Variants in HTR2A observed in about 807,000 individuals in gnomAD.
HTR2A encodes 5-hydroxytryptamine receptor 2A.
A neutral mutation model predicts 31.0 loss-of-function variants in HTR2A; 14 were observed. That is an observed-to-expected ratio of 0.45 (90% CI 0.30 to 0.71). HTR2A has a LOEUF of 0.71. Ranked by LOEUF, HTR2A falls within the 30% of genes least tolerant of loss-of-function variation. HTR2A has a pLI of 0.09. For synonymous variants in HTR2A, 209 were observed against 225.2 expected, an observed-to-expected ratio of 0.93 and a Z score of 0.64; for missense variants, 442 against 573.3, an observed-to-expected ratio of 0.77 and a Z score of 2.34.
intron 2 of HTR2A, among the ~76,000 whole-genome samples, chr13:46,893,339 G>T (rs1362655938): frequency 6.6e-6 from 1 of 152,226 alleles, no homozygotes; most frequent in East Asian, 1.9e-4. Context: ...CCGTCCAGAG[G>T]TTCTGATGCA....
chr13:46,895,595 C>T lies in HTR2A; in HGVS notation c.312G>A (p.Lys104=). 6.2e-7 allele frequency: 1 copy of T among 1,614,178 alleles called. No homozygotes were observed. Among genetic ancestry groups the T allele is most frequent in the Non-Finnish European group, 8.5e-7 (1 of 1,180,022 alleles). Residue 104 remains lysine, a synonymous_variant, in exon 2 of 4, where the codon AAG becomes AAA. Transcript: ENST00000542664. The surrounding 1 kb of genome is among the most constrained non-coding windows in gnomAD (Gnocchi z 4.4). ...LVIMAVSLEK[K]LQNATNYFLM... is the part of the protein sequence containing the mutation. ...GGAAATAGTTGGTGGCATTCTGCAGCTTTTTCTCTAGGGACACTGCCATGA... is the reference window on the plus strand; with the variant it reads ...GGAAATAGTTGGTGGCATTCTGCAGTTTTTTCTCTAGGGACACTGCCATGA...
At chr13:46,885,728 T>C (rs1167808736) in intron 3 of HTR2A, among the ~76,000 whole-genome samples, 1 of 152,232 alleles carries the variant, frequency 6.6e-6, no homozygotes, top group African/African-American at 2.4e-5. Flanking sequence ...AGTGGTGCCA[T>C]ATTCAGGGCA....
chr13:46,885,988 C>A (rs1882144197), intron 3 of HTR2A, among the ~76,000 whole-genome samples: 1 of 152,168 alleles, frequency 6.6e-6, no homozygotes, highest in South Asian at 2.1e-4. Context: ...AACCCTTGGT[C>A]TGCCAATCAT....
chr13:46,890,235 C>G (rs189512569), intron 3 of HTR2A, among the ~76,000 whole-genome samples: 1 of 152,296 alleles, frequency 6.6e-6, no homozygotes, highest in African/African-American at 2.4e-5. Flanking sequence ...CCCAGCTACT[C>G]AGGAGGCTGA....
intron 3 of HTR2A, chr13:46,854,065 C>T (rs655854): frequency 0.27 from 41,718 of 152,050 alleles, 6,668 homozygotes; most frequent in East Asian, 0.53. Flanking sequence ...TGGGGGGTCC[C>T]AGTCATCGGT....
At chr13:46,853,029 T>C (rs1950700267) in intron 3 of HTR2A, among the ~76,000 whole-genome samples, 1 of 152,094 alleles carries the variant, frequency 6.6e-6, no homozygotes, top group Non-Finnish European at 1.5e-5. Context: ...TTCTCCTTAA[T>C]ATAGTGCATT....
rs1305842530 is a variant in HTR2A, at chr13:46,834,628, A to T, written c.*209T>A. On this transcript the variant is annotated 3_prime_UTR_variant, in exon 4 of 4. Transcript: ENST00000542664. ...GTTATAAATAAGTATCAGAAAGCTC[A>T]CAGCTGAAATGCTGTCAGAACATTT... is the stretch of plus-strand genomic sequence containing the variant. The T allele has an allele frequency of 3.8e-6, 2 of 527,498 alleles. No individual in the cohort carries two copies. The highest frequency in any genetic ancestry group is 6.7e-6 in the Non-Finnish European group (2 of 300,650). The allele number at this position is 527,498 out of a possible 1,614,324, so 32.7% of individuals were successfully genotyped here.
In HTR2A at chr13:46,835,510, G is replaced by A. The variant is rs1876419777; in HGVS notation, c.743C>T (p.Thr248Ile). The A allele has an allele frequency of 6.2e-7, 1 of 1,613,918 alleles. No homozygotes were observed. Among genetic ancestry groups the A allele is most frequent in the Non-Finnish European group, 8.5e-7 (1 of 1,179,974 alleles). ...GSFVSFFIPLTIMVITYFLTI... is the reference protein window; with the variant it reads ...GSFVSFFIPLIIMVITYFLTI... ...TAGAAAGTAGGTGATCACCATGATG[G>A]TTAAGGGAATGAAAAATGACACAAA... Residue 248 changes from threonine to isoleucine, a missense_variant, in exon 4 of 4, where the codon ACC (threonine) becomes ATC (isoleucine). Physicochemically the swap from Thr to Ile is moderately conservative, Grantham distance 89. Coordinates refer to ENST00000542664, the MANE Select transcript of HTR2A (RefSeq NM_000621.5).
chr13:46,897,129 C>T (rs551138640), upstream of HTR2A: 53 of 286,854 alleles, frequency 1.8e-4, no homozygotes, highest in Non-Finnish European at 3.0e-4. Flanking sequence ...GCCAGGAGGG[C>T]GGACCAAACA....
chr13:46,840,101 T>C (rs968784181), intron 3 of HTR2A, among the ~76,000 whole-genome samples: 6 of 152,126 alleles, frequency 3.9e-5, no homozygotes, highest in African/African-American at 1.4e-4. Flanking sequence ...GGTTCATAGG[T>C]TTCTGTTTCC....
intron 3 of HTR2A, among the ~76,000 whole-genome samples, chr13:46,873,320 A>G (rs1336027445): frequency 6.6e-6 from 1 of 151,640 alleles, no homozygotes; most frequent in Non-Finnish European, 1.5e-5. Context: ...CTTTCTGATC[A>G]AATAGGTTCA....
chr13:46,890,238 G>C (rs1951041849), intron 3 of HTR2A, among the ~76,000 whole-genome samples: 1 of 152,224 alleles, frequency 6.6e-6, no homozygotes, highest in Non-Finnish European at 1.5e-5. Flanking sequence ...AGCTACTCAG[G>C]AGGCTGAGGC....
At chr13:46,884,166 G>T (rs984170900) in intron 3 of HTR2A, among the ~76,000 whole-genome samples, 7 of 152,216 alleles carry the variant, frequency 4.6e-5, no homozygotes, top group Admixed American at 1.3e-4. Context: ...TTTGTGACAG[G>T]CCGGGTGAAG....
intron 3 of HTR2A, among the ~76,000 whole-genome samples, chr13:46,887,399 G>A (rs1268458299): frequency 7.5e-6 from 1 of 132,932 alleles, no homozygotes; most frequent in Non-Finnish European, 1.5e-5. Context: ...CTCCAGCGGG[G>A]GCGACAGAGT....
At position 46,883,913 on chromosome 13, in the gene HTR2A, C is replaced by A. The variant is rs146221421; in HGVS notation, c.613+8477G>T. 5.3e-5 allele frequency among the ~76,000 whole-genome samples: 8 copies of A among 152,244 alleles called. No homozygotes were observed. In the East Asian group the frequency reaches 1.4e-3, roughly 26 times the overall value. Reference sequence around the variant, plus strand: ...CCTTTTCCTCAGAATTAGATGGAATCCTTCGCAAGCAGTGAAGTGACCACA... The same window carrying A: ...CCTTTTCCTCAGAATTAGATGGAATACTTCGCAAGCAGTGAAGTGACCACA... On this transcript the variant is annotated intron_variant, in intron 3 of 3. Coordinates refer to ENST00000542664, the MANE Select transcript of HTR2A (RefSeq NM_000621.5).
intron 3 of HTR2A, among the ~76,000 whole-genome samples, chr13:46,862,398 G>A (rs1950786707): frequency 6.6e-6 from 1 of 152,186 alleles, no homozygotes; most frequent in Non-Finnish European, 1.5e-5. Flanking sequence ...TAACATATGG[G>A]CCTGTTCTAT....
At chr13:46,887,401 C>T (rs1485658473) in intron 3 of HTR2A, among the ~76,000 whole-genome samples, 6 of 114,990 alleles carry the variant, frequency 5.2e-5, no homozygotes, top group South Asian at 2.9e-4. Flanking sequence ...CCAGCGGGGG[C>T]GACAGAGTGA....
At chr13:46,851,530 G>A (rs557253811) in intron 3 of HTR2A, among the ~76,000 whole-genome samples, 3 of 152,234 alleles carry the variant, frequency 2.0e-5, no homozygotes, top group East Asian at 1.9e-4. Context: ...ACTTTCGCAC[G>A]GAATATTTAT....
In HTR2A at chr13:46,847,312, G is replaced by T. The variant is rs564945699; in HGVS notation, c.614-11673C>A. Among the ~76,000 whole-genome samples the T allele has an allele frequency of 4.0e-3, 604 of 152,074 alleles. 4 individuals carry two copies. The highest frequency in any genetic ancestry group is 0.014 in the African/African-American group (585 of 41,482). On this transcript the variant is annotated intron_variant, in intron 3 of 3. Coordinates refer to ENST00000542664, the MANE Select transcript of HTR2A (RefSeq NM_000621.5). ...CCTATGATCTTCCTCTCTTTTTCTG[G>T]CATCTCTGCAGTCAACATAAGTTCA... is the stretch of plus-strand genomic sequence containing the variant.
Sources: allele counts gnomAD v4.1 joint callset (sites outside exome capture counted in the v4.1 genomes callset), GRCh38; gene constraint gnomAD v4.1.1; non-coding constraint Gnocchi (gnomAD v3.1); transcripts MANE v1.5; gene names NCBI Gene and HGNC (gene_info 2026-07-23, HGNC 2026-07-21).